The following USH2A variants were observed in gnomAD, a reference collection of about 807,000 sequenced individuals.
USH2A encodes usherin.
Under a neutral mutation model 538.9 loss-of-function variants are expected in USH2A, and 443 were observed. The observed-to-expected ratio is 0.82, with a 90% confidence interval of 0.76 to 0.89. USH2A has a LOEUF of 0.89. Among genes scored for constraint, USH2A ranks in the 40% least tolerant of loss-of-function variants. The pLI is 0.00. For missense variants in USH2A, 6,633 were observed against 6,324.8 expected (o/e 1.05, Z -1.65); for synonymous variants, 2,413 against 2,273.5 (o/e 1.06, Z -1.75).
rs1665141443 is a variant in USH2A, at chr1:215,888,999, C to T, written c.7650G>A (p.Leu2550=). 3 of 1,613,838 alleles carry T rather than the reference C, an allele frequency of 1.9e-6. No individual in the cohort carries two copies. Among genetic ancestry groups the T allele is most frequent in the Admixed American group, 1.7e-5 (1 of 59,992 alleles). The part of the protein sequence containing the change: ...ILLDVKSRMM[L]VTWQHPRKSN... ...ATTTTCTAGGATGCTGCCAGGTGACCAACATCATTCTTGACTTCACATCCA... is the reference window on the plus strand; with the variant it reads ...ATTTTCTAGGATGCTGCCAGGTGACTAACATCATTCTTGACTTCACATCCA... The change falls in exon 41 of 72, where the codon TTG becomes TTA. Residue 2550 remains leucine (L), a synonymous_variant. Transcript: ENST00000307340.
chr1:215,910,802 T>A (rs2102478878), intron 38 of USH2A, among the ~76,000 whole-genome samples: 1 of 152,044 alleles, frequency 6.6e-6, no homozygotes, highest in East Asian at 1.9e-4. Flanking sequence ...AGATAAGCAC[T>A]GTACATTCAG....
Position 216,042,110 on chromosome 1 carries a change from TATA to T in USH2A, c.6325+4318_6325+4320del, listed in dbSNP as rs1479428861. ...CCATTATATGCTATATGAGATGGAA[TATA>T]ATGTTATTCAAAACATTTCAAAATA... On this transcript the variant is annotated intron_variant, in intron 32 of 71. Coordinates refer to ENST00000307340, the MANE Select transcript of USH2A (RefSeq NM_206933.4). Among the ~76,000 whole-genome samples the T allele has an allele frequency of 6.6e-5, 10 of 152,204 alleles. No homozygotes were observed. In the South Asian group the frequency reaches 1.7e-3, roughly 25 times the overall value.
At chr1:216,155,711 C>T (rs986625903) in intron 21 of USH2A, among the ~76,000 whole-genome samples, 2 of 152,172 alleles carry the variant, frequency 1.3e-5, no homozygotes, top group Non-Finnish European at 2.9e-5. Flanking sequence ...TACTGCAATG[C>T]TGCAGTCTCG....
intron 3 of USH2A, among the ~76,000 whole-genome samples, chr1:216,380,302 A>G (rs2038904180): frequency 6.6e-6 from 1 of 152,224 alleles, no homozygotes; most frequent in South Asian, 2.1e-4. Context: ...AGCTTAAAAT[A>G]TTTATGAGTA....
At chr1:215,693,895 A>G (rs1353808417) in intron 61 of USH2A, among the ~76,000 whole-genome samples, 3 of 152,196 alleles carry the variant, frequency 2.0e-5, no homozygotes, top group African/African-American at 7.2e-5. Flanking sequence ...AGTACTGCTT[A>G]ACTATACTAT....
At chr1:216,168,715 A>G (rs1352137510) in intron 21 of USH2A, among the ~76,000 whole-genome samples, 3 of 152,106 alleles carry the variant, frequency 2.0e-5, no homozygotes, top group African/African-American at 7.2e-5. Flanking sequence ...TGGGGATAAC[A>G]TCACTGTTGG....
At chr1:216,323,399 C>T in intron 8 of USH2A, 75 bp downstream of exon 8, 1 of 1,455,132 alleles carries the variant, frequency 6.9e-7, no homozygotes, top group South Asian at 1.1e-5. Context: ...ATCTGGCTTG[C>T]TCTGACATCT....
chr1:215,695,261 C>A (rs1658767298), intron 61 of USH2A, among the ~76,000 whole-genome samples: 1 of 152,158 alleles, frequency 6.6e-6, no homozygotes, highest in Non-Finnish European at 1.5e-5. Flanking sequence ...GAAGGGCAGC[C>A]AAATCCACCT....
chr1:216,159,537 T>TAC (rs60343349), intron 21 of USH2A, among the ~76,000 whole-genome samples: 5,719 of 146,690 alleles, frequency 0.039, 122 homozygotes, highest in African/African-American at 0.067. Flanking sequence ...TTTATTTATG[T>TAC]ACACACACAC....
chr1:215,838,260 TC>T (rs2102816800), intron 46 of USH2A, among the ~76,000 whole-genome samples, 157 bp from the exon 47 acceptor site: 1 of 152,306 alleles, frequency 6.6e-6, no homozygotes, highest in Admixed American at 6.5e-5. Flanking sequence ...GTTAACTGAC[TC>T]CAAAGGAATG....
intron 3 of USH2A, among the ~76,000 whole-genome samples, chr1:216,388,503 T>G (rs1250689135): frequency 1.3e-5 from 2 of 152,190 alleles, no homozygotes; most frequent in Non-Finnish European, 2.9e-5. Flanking sequence ...ATATTATGAC[T>G]TGGAAGGAAA....
intron 21 of USH2A, among the ~76,000 whole-genome samples, chr1:216,116,454 C>T (rs1414792517): frequency 6.6e-6 from 1 of 151,968 alleles, no homozygotes; most frequent in Non-Finnish European, 1.5e-5. Context: ...CCATGTCAAG[C>T]ATAATGGTAG....
chr1:216,030,535 TATAA>T (rs1180865482), intron 32 of USH2A, among the ~76,000 whole-genome samples: 1 of 143,564 alleles, frequency 7.0e-6, no homozygotes, highest in African/African-American at 2.5e-5. Flanking sequence ...ATCACAGATA[TATAA>T]ATGATATATA....
intron 11 of USH2A, among the ~76,000 whole-genome samples, chr1:216,269,210 G>T (rs1162889613): frequency 6.6e-6 from 1 of 152,018 alleles, no homozygotes; most frequent in Non-Finnish European, 1.5e-5. Context: ...AGACCCAGTG[G>T]GAAATAATTG....
At chr1:216,366,219 T>TGC (rs2038592950) in intron 3 of USH2A, among the ~76,000 whole-genome samples, 1 of 152,078 alleles carries the variant, frequency 6.6e-6, no homozygotes, top group Non-Finnish European at 1.5e-5. Flanking sequence ...AGAGTGAGAT[T>TGC]TAAGGTCATG....
At chr1:215,873,516 A>C (rs1401561349) in intron 43 of USH2A, among the ~76,000 whole-genome samples, 1 of 152,168 alleles carries the variant, frequency 6.6e-6, no homozygotes, top group Non-Finnish European at 1.5e-5. Flanking sequence ...AGAGGAACAA[A>C]AGTTATGTTC....
intron 50 of USH2A, among the ~76,000 whole-genome samples, chr1:215,795,312 C>A (rs1294265758): frequency 6.6e-6 from 1 of 152,140 alleles, no homozygotes; most frequent in Non-Finnish European, 1.5e-5. Context: ...ATGGAACAAC[C>A]CCCTTCATTA....
At chr1:216,021,428 T>C (rs886964711) in intron 32 of USH2A, among the ~76,000 whole-genome samples, 4 of 152,194 alleles carry the variant, frequency 2.6e-5, no homozygotes, top group Non-Finnish European at 5.9e-5. Flanking sequence ...AAGACATCTC[T>C]TGCTCTTCTG....
chr1:215,930,085 T>C (rs34693181), intron 38 of USH2A, among the ~76,000 whole-genome samples: 2,536 of 152,166 alleles, frequency 0.017, 27 homozygotes, highest in Non-Finnish European at 0.026. Context: ...TTGTAGATTA[T>C]AATAATTCTC....
Sources: allele counts gnomAD v4.1 joint callset (sites outside exome capture counted in the v4.1 genomes callset), GRCh38; gene constraint gnomAD v4.1.1; transcripts MANE v1.5; gene names NCBI Gene and HGNC (gene_info 2026-07-23, HGNC 2026-07-21).